TSPAN14: variants seen among roughly 807,000 people sequenced by gnomAD.
TSPAN14 encodes the protein tetraspanin 14.
A neutral mutation model predicts 36.6 loss-of-function variants in TSPAN14; 16 were observed. The ratio of observed to expected loss-of-function variants is 0.44; its 90% CI spans 0.30 to 0.66. The LOEUF (loss-of-function observed/expected upper bound fraction) is 0.66, where lower values mean the gene tolerates loss of function less well. Among genes scored for constraint, TSPAN14 ranks in the 30% least tolerant of loss-of-function variants. The probability of loss-of-function intolerance (pLI) is 0.12; values close to 1 mark genes in which losing one functional copy is unlikely to be tolerated. For synonymous variants in TSPAN14, 139 were observed against 143.8 expected (o/e 0.97, Z 0.24); for missense variants, 231 against 355.1 (o/e 0.65, Z 2.81).
exon 9 of TSPAN14, chr10:80,519,518 T>TTTTTG (rs1841138532): frequency 6.6e-6 from 1 of 152,136 alleles, no homozygotes; most frequent in Non-Finnish European, 1.5e-5. Context: ...ATGATGATTT[T>TTTTTG]TTTTTTTTTA....
At chr10:80,471,275 T>G (rs750482531) in intron 1 of TSPAN14, among the ~76,000 whole-genome samples, 4 of 152,100 alleles carry the variant, frequency 2.6e-5, no homozygotes, top group Non-Finnish European at 5.9e-5. Flanking sequence ...AGCAAAAGTC[T>G]TTTCACCCCA....
intron 1 of TSPAN14, chr10:80,485,753 G>A (rs1847552244): frequency 1.1e-6 from 1 of 902,742 alleles, no homozygotes; most frequent in Non-Finnish European, 1.3e-6. Context: ...GGGTGGGAAA[G>A]CGGGGAGCGG....
At chr10:80,460,106 G>C (rs1400502797) in intron 1 of TSPAN14, among the ~76,000 whole-genome samples, 2 of 152,190 alleles carry the variant, frequency 1.3e-5, no homozygotes, top group Non-Finnish European at 2.9e-5. Context: ...GATAGATGTA[G>C]GAATTATCGC....
intron 5 of TSPAN14, among the ~76,000 whole-genome samples, chr10:80,510,950 G>T (rs988434938): frequency 6.6e-6 from 1 of 152,206 alleles, no homozygotes; most frequent in Admixed American, 6.5e-5. Flanking sequence ...AAATTACAGA[G>T]CTTCCTTGGA....
intron 2 of TSPAN14, among the ~76,000 whole-genome samples, chr10:80,496,022 T>G (rs552392658): frequency 6.6e-6 from 1 of 152,312 alleles, no homozygotes; most frequent in South Asian, 2.1e-4. Flanking sequence ...TAGGTGGTAG[T>G]GTCTCTGTTG....
intron 2 of TSPAN14, among the ~76,000 whole-genome samples, chr10:80,493,153 G>A (rs1381880716): frequency 2.0e-5 from 3 of 152,132 alleles, no homozygotes; most frequent in Non-Finnish European, 2.9e-5. Flanking sequence ...CCTGTTTTTA[G>A]TGCAAAAATC....
intron 2 of TSPAN14, among the ~76,000 whole-genome samples, chr10:80,489,751 A>G (rs1460525872): frequency 6.6e-6 from 1 of 152,226 alleles, no homozygotes; most frequent in African/African-American, 2.4e-5. Context: ...TGTAACCAAG[A>G]GCCATGTTAG....
chr10:80,489,383 A>T, intron 2 of TSPAN14, 69 bp downstream of exon 2: 1 of 1,130,654 alleles, frequency 8.8e-7, no homozygotes. Context: ...TTTTCCACAC[A>T]CTCTTGATTT....
At chr10:80,503,119 G>A (rs1848615407) in intron 2 of TSPAN14, among the ~76,000 whole-genome samples, 1 of 118,800 alleles carries the variant, frequency 8.4e-6, no homozygotes, top group South Asian at 2.9e-4. Flanking sequence ...AATAAGATGG[G>A]TGGGGATGGA....
At chr10:80,485,547 T>G in intron 1 of TSPAN14, 1 of 765,746 alleles carries the variant, frequency 1.3e-6, no homozygotes, top group Non-Finnish European at 1.6e-6. Context: ...CCTTACACTG[T>G]GTAGGAGGAT....
chr10:80,519,936 A>G (rs1433311423), exon 9 of TSPAN14: 1 of 151,836 alleles, frequency 6.6e-6, no homozygotes, highest in Admixed American at 6.6e-5. Context: ...CCATAGGTCT[A>G]GAGGAAACAT....
At chr10:80,465,327 G>A (rs1846183645) in intron 1 of TSPAN14, among the ~76,000 whole-genome samples, 1 of 152,164 alleles carries the variant, frequency 6.6e-6, no homozygotes, top group Non-Finnish European at 1.5e-5. Flanking sequence ...CTGCTGAAAA[G>A]CCTGTGTGCT....
chr10:80,496,394 C>T (rs560406253), intron 2 of TSPAN14, among the ~76,000 whole-genome samples: 1 of 152,128 alleles, frequency 6.6e-6, no homozygotes, highest in African/African-American at 2.4e-5. Context: ...AACTGTGTCT[C>T]CTCCCACCTC....
chr10:80,463,099 G>A (rs1209531529), intron 1 of TSPAN14: 1 of 152,166 alleles, frequency 6.6e-6, no homozygotes, highest in African/African-American at 2.4e-5. Flanking sequence ...ACTTGGGGTG[G>A]AGTCGAAAGC....
intron 2 of TSPAN14, among the ~76,000 whole-genome samples, chr10:80,497,500 C>T (rs1848259548): frequency 6.6e-6 from 1 of 152,248 alleles, no homozygotes; most frequent in African/African-American, 2.4e-5. Context: ...CGGGGATCAT[C>T]CAGCACACAA....
chr10:80,502,756 T>C (rs1303255829), intron 2 of TSPAN14, among the ~76,000 whole-genome samples: 1 of 152,050 alleles, frequency 6.6e-6, no homozygotes, highest in Non-Finnish European at 1.5e-5. Context: ...ATTAGGGTAT[T>C]TGACCGGGGG....
At chr10:80,496,137 G>GTA (rs1246738254) in intron 2 of TSPAN14, among the ~76,000 whole-genome samples, 5 of 152,148 alleles carry the variant, frequency 3.3e-5, no homozygotes, top group African/African-American at 1.2e-4. Context: ...CCATTTAAGT[G>GTA]TATAGTTCAT....
exon 9 of TSPAN14, chr10:80,519,255 T>C (rs1841118823): frequency 1.3e-5 from 2 of 152,768 alleles, no homozygotes; most frequent in African/African-American, 4.8e-5. Flanking sequence ...TTGTTTCTGG[T>C]GACCGCCCCT....
chr10:80,500,484 C>T (rs1461368423), intron 2 of TSPAN14, among the ~76,000 whole-genome samples: 1 of 151,846 alleles, frequency 6.6e-6, no homozygotes, highest in African/African-American at 2.4e-5. Flanking sequence ...CATGTGCCAC[C>T]ACGCTCGGCT....
Sources: allele counts gnomAD v4.1 joint callset (sites outside exome capture counted in the v4.1 genomes callset), GRCh38; gene constraint gnomAD v4.1.1; transcripts MANE v1.5; gene names NCBI Gene and HGNC (gene_info 2026-07-23, HGNC 2026-07-21).